Variants in SOX13 observed in about 807,000 individuals in gnomAD.
SOX13 encodes transcription factor SOX-13.
In SOX13, 28 loss-of-function variants were observed where a neutral mutation model predicts 71.8. The observed-to-expected ratio is 0.39, with a 90% CI of 0.29 to 0.53. The LOEUF (loss-of-function observed/expected upper bound fraction) is 0.53. Among genes scored for constraint, SOX13 ranks in the 20% least tolerant of loss-of-function variants. The pLI, the probability that SOX13 is intolerant of heterozygous loss-of-function variation, is 0.70. For synonymous variants in SOX13, 309 were observed against 317.8 expected, an observed-to-expected ratio of 0.97 and a Z score of 0.29; for missense variants, 627 against 810.3, an observed-to-expected ratio of 0.77 and a Z score of 2.75.
chr1:204,099,704 C>T (rs1052678940), intron 1 of SOX13, among the ~76,000 whole-genome samples: 6 of 152,128 alleles, frequency 3.9e-5, no homozygotes, highest in Admixed American at 3.3e-4. Flanking sequence ...TGTGCCACTG[C>T]GCCCAGTCGG....
intron 7 of SOX13, chr1:204,118,043 T>G (rs1656729746): frequency 4.9e-6 from 1 of 204,658 alleles, no homozygotes; most frequent in Non-Finnish European, 1.0e-5. Context: ...TCCCAGCACT[T>G]TGGGAGGCCG....
intron 1 of SOX13, among the ~76,000 whole-genome samples, chr1:204,074,860 C>T (rs1407902848): frequency 6.6e-6 from 1 of 152,250 alleles, no homozygotes; most frequent in Non-Finnish European, 1.5e-5. Context: ...GCCTCGGTGA[C>T]AGAGGCTTGG....
chr1:204,125,018 G>A (rs1008946768), intron 13 of SOX13, among the ~76,000 whole-genome samples, 161 bp downstream of exon 13: 6 of 152,116 alleles, frequency 3.9e-5, no homozygotes, highest in Non-Finnish European at 7.4e-5. Context: ...GAGCCTGCAC[G>A]TGCGACCCGA....
intron 9 of SOX13, 198 bp from the exon 10 acceptor site, chr1:204,122,656 C>A (rs1194043504): frequency 1.7e-6 from 1 of 605,250 alleles, no homozygotes; most frequent in Non-Finnish European, 3.0e-6. Context: ...TATTGACATG[C>A]ACAATAACTA....
intron 12 of SOX13, 23 bp from the exon 13 acceptor site, chr1:204,124,618 C>T: frequency 1.9e-6 from 3 of 1,590,220 alleles, no homozygotes; most frequent in South Asian, 1.1e-5. Flanking sequence ...CACTGACTGC[C>T]TGCCCCTGGG....
chr1:204,076,211 T>A (rs1269443073), intron 1 of SOX13, among the ~76,000 whole-genome samples: 1 of 152,178 alleles, frequency 6.6e-6, no homozygotes, highest in Non-Finnish European at 1.5e-5. Flanking sequence ...AGGAAGGAAT[T>A]GTCTCCAAAA....
At chr1:204,075,037 G>T (rs1655756112) in intron 1 of SOX13, among the ~76,000 whole-genome samples, 1 of 152,178 alleles carries the variant, frequency 6.6e-6, no homozygotes, top group African/African-American at 2.4e-5. Context: ...TTGGCTCTCA[G>T]CAGTCCAAGT....
At chr1:204,094,800 C>G (rs1656217819) in intron 1 of SOX13, among the ~76,000 whole-genome samples, 1 of 152,142 alleles carries the variant, frequency 6.6e-6, no homozygotes, top group South Asian at 2.1e-4. Context: ...CAGTAAAGCA[C>G]CAAATCAGAA....
At chr1:204,119,231 G>A (rs1250600367) in intron 7 of SOX13, 2 of 152,300 alleles carry the variant, frequency 1.3e-5, no homozygotes, top group Non-Finnish European at 2.9e-5. Context: ...AGAAAGCCAG[G>A]CCCCATCTTC....
At chr1:204,115,475 G>GTT (rs1230069563) in intron 4 of SOX13, among the ~76,000 whole-genome samples, 167 of 58,930 alleles carry the variant, frequency 2.8e-3, no homozygotes, top group African/African-American at 9.6e-3. Flanking sequence ...TTCCGATGTT[G>GTT]TTTTTTTTTT....
chr1:204,120,608 C>A (rs1022889884), intron 7 of SOX13, among the ~76,000 whole-genome samples: 1 of 152,230 alleles, frequency 6.6e-6, no homozygotes, highest in South Asian at 2.1e-4. Context: ...CACAGCTCAC[C>A]CTCACACACC....
chr1:204,074,890 C>G (rs1421762863), intron 1 of SOX13, among the ~76,000 whole-genome samples: 1 of 152,250 alleles, frequency 6.6e-6, no homozygotes, highest in African/African-American at 2.4e-5. Context: ...AAGAGTTTTC[C>G]TGGGAAGTTT....
chr1:204,117,008 AC>A, intron 5 of SOX13, 113 bp from the exon 6 acceptor site: 1 of 1,053,026 alleles, frequency 9.5e-7, no homozygotes, highest in Non-Finnish European at 1.4e-6. Context: ...CCCTACTGCC[AC>A]CCCACTCCAT....
At chr1:204,109,795 A>T (rs185885691) in intron 1 of SOX13, among the ~76,000 whole-genome samples, 1 of 152,196 alleles carries the variant, frequency 6.6e-6, no homozygotes. Context: ...ATCCTCCCGT[A>T]TACCTTGTTT....
chr1:204,122,384 C>A lies in SOX13; in HGVS notation c.1009C>A (p.Pro337Thr), dbSNP rs1221098659. The A allele has an allele frequency of 1.3e-6, 2 of 1,564,672 alleles. No individual in the cohort carries two copies. The highest frequency in any genetic ancestry group is 1.7e-6 in the Non-Finnish European group (2 of 1,154,976). ...CACGCGGGACCTGCAGTCCAGCCCCCCGAGCCTGCCTCTGGGTAAGCCTCC... is the reference window on the plus strand; with the variant it reads ...CACGCGGGACCTGCAGTCCAGCCCCACGAGCCTGCCTCTGGGTAAGCCTCC... ...GPTRDLQSSP[P>T]SLPLGFLGEG... The change falls in exon 9 of 14, where the codon CCG (proline) becomes ACG (threonine). Residue 337 changes from proline to threonine, a missense_variant. Physicochemically the swap from Pro to Thr is conservative, Grantham distance 38. This residue lies in a region of SOX13 where 447 missense variants were observed against 532.2 expected (regional missense o/e 0.84). Coordinates refer to ENST00000367204, the MANE Select transcript of SOX13 (RefSeq NM_005686.3).
At chr1:204,114,932 T>G (rs1656658362) in intron 4 of SOX13, among the ~76,000 whole-genome samples, 2 of 152,120 alleles carry the variant, frequency 1.3e-5, no homozygotes, top group South Asian at 4.1e-4. Context: ...CCTTTCACTC[T>G]AATTAATTCT....
chr1:204,115,789 C>CCCAAGTAG (rs927621164), intron 4 of SOX13, among the ~76,000 whole-genome samples: 2 of 149,276 alleles, frequency 1.3e-5, no homozygotes, highest in African/African-American at 4.9e-5. Context: ...GTCTCAGTCT[C>CCCAAGTAG]CCAAGTAGTT....
intron 1 of SOX13, among the ~76,000 whole-genome samples, chr1:204,102,902 C>T (rs1656389184): frequency 6.6e-6 from 1 of 152,050 alleles, no homozygotes; most frequent in South Asian, 2.1e-4. Context: ...GTCCTTTTTC[C>T]ATTAGCCACA....
chr1:204,103,192 T>C (rs1484365442), intron 1 of SOX13, among the ~76,000 whole-genome samples: 1 of 152,220 alleles, frequency 6.6e-6, no homozygotes, highest in African/African-American at 2.4e-5. Context: ...TTTTGAGAGG[T>C]GAAGTCTTTC....
Sources: allele counts gnomAD v4.1 joint callset (sites outside exome capture counted in the v4.1 genomes callset), GRCh38; gene constraint gnomAD v4.1.1; regional missense constraint gnomAD v4.1.1; transcripts MANE v1.5; gene names NCBI Gene and HGNC (gene_info 2026-07-23, HGNC 2026-07-21).